MTSS1: variants seen among roughly 807,000 people sequenced by gnomAD.
MTSS1 encodes MTSS I-BAR domain containing 1, also known as protein MTSS 1.
Under a neutral mutation model 79.0 loss-of-function variants are expected in MTSS1, and 18 were observed. The observed-to-expected ratio is 0.23, with a 90% CI of 0.16 to 0.34. MTSS1 has a LOEUF of 0.34. MTSS1 is among the 10% of genes least tolerant of loss of function. The probability of loss-of-function intolerance (pLI) is 1.00; values close to 1 mark genes in which losing one functional copy is unlikely to be tolerated. For missense variants in MTSS1, 815 were observed against 986.2 expected, an observed-to-expected ratio of 0.83 and a Z score of 2.33; for synonymous variants, 341 against 368.6, an observed-to-expected ratio of 0.93 and a Z score of 0.86.
At chr8:124,566,273 T>C (rs954451110) in intron 8 of MTSS1, 4 of 154,026 alleles carry the variant, frequency 2.6e-5, no homozygotes, top group African/African-American at 7.2e-5. Flanking sequence ...TCTGTCTCCG[T>C]TGCTTGACAA....
At chr8:124,622,253 GA>G (rs1813706990) in intron 3 of MTSS1, among the ~76,000 whole-genome samples, 3 of 151,552 alleles carry the variant, frequency 2.0e-5, no homozygotes, top group African/African-American at 7.3e-5. Context: ...CTTATAGGTG[GA>G]ATATATTTTT....
At chr8:124,707,364 T>G (rs1830518201) in intron 1 of MTSS1, among the ~76,000 whole-genome samples, 1 of 149,178 alleles carries the variant, frequency 6.7e-6, no homozygotes, top group African/African-American at 2.5e-5. Context: ...CCAGACAACA[T>G]GGCGAGACCC....
chr8:124,669,933 C>T (rs1823809218), intron 3 of MTSS1, among the ~76,000 whole-genome samples: 1 of 152,170 alleles, frequency 6.6e-6, no homozygotes, highest in Admixed American at 6.6e-5. Context: ...GCTATTTTAA[C>T]ATTCATTCAT....
intron 1 of MTSS1, among the ~76,000 whole-genome samples, chr8:124,712,109 G>A (rs1234007437): frequency 6.6e-6 from 1 of 151,940 alleles, no homozygotes; most frequent in Non-Finnish European, 1.5e-5. Flanking sequence ...GTTGGCACTT[G>A]TGGTATGATT....
chr8:124,598,312 A>T (rs1307539332), intron 3 of MTSS1, among the ~76,000 whole-genome samples: 2 of 152,142 alleles, frequency 1.3e-5, no homozygotes, highest in Non-Finnish European at 2.9e-5. Flanking sequence ...GCAAGAAAAA[A>T]AGGAATGATC....
At chr8:124,657,555 A>G (rs57660221) in intron 3 of MTSS1, among the ~76,000 whole-genome samples, 14,081 of 151,756 alleles carry the variant, frequency 0.093, 743 homozygotes, top group African/African-American at 0.14. Flanking sequence ...CTCTGCACTG[A>G]GCAGAAATAG....
intron 3 of MTSS1, among the ~76,000 whole-genome samples, chr8:124,695,612 T>C (rs1268447294): frequency 6.6e-6 from 1 of 152,196 alleles, no homozygotes; most frequent in African/African-American, 2.4e-5. Flanking sequence ...TAGTAGCAAA[T>C]ACCTGGAGAT....
chr8:124,553,595 G>A lies in MTSS1; in HGVS notation c.1665C>T (p.Ser555=). ...CTTGGAACATCCGTCGGTAGGACTG[G>A]CTGATGTCGCTGTTTCTTGGAATGG... The part of the protein sequence containing the change: ...SSTIPRNSDI[S]QSYRRMFQAK... The change falls in exon 14 of 14, where the codon AGC becomes AGT. Residue 555 remains serine, a synonymous_variant. Coordinates refer to ENST00000518547, the MANE Select transcript of MTSS1 (RefSeq NM_014751.6). The surrounding 1 kb of genome is among the most constrained non-coding windows in gnomAD (Gnocchi z 6.0). 1 of 1,614,184 alleles carries A rather than the reference G, an allele frequency of 6.2e-7. No homozygotes were observed. Among genetic ancestry groups the A allele is most frequent in the South Asian group, 1.1e-5 (1 of 91,082 alleles).
intron 2 of MTSS1, among the ~76,000 whole-genome samples, chr8:124,699,885 G>A (rs769916799): frequency 3.9e-5 from 6 of 152,238 alleles, no homozygotes; most frequent in Non-Finnish European, 8.8e-5. Context: ...GGTGGCTCAC[G>A]CCTGTATTCC....
intron 3 of MTSS1, among the ~76,000 whole-genome samples, chr8:124,600,614 C>T (rs1338775356): frequency 1.3e-5 from 2 of 152,152 alleles, no homozygotes; most frequent in African/African-American, 4.8e-5. Flanking sequence ...AGGCAGAGGC[C>T]GGAGTAAGTA....
At chr8:124,611,020 A>C (rs76263273) in intron 3 of MTSS1, among the ~76,000 whole-genome samples, 3,319 of 152,056 alleles carry the variant, frequency 0.022, 168 homozygotes, top group East Asian at 0.14. Flanking sequence ...CTGCATGGGG[A>C]AACCCACAGC....
At chr8:124,669,401 C>T (rs1202224476) in intron 3 of MTSS1, among the ~76,000 whole-genome samples, 1 of 152,180 alleles carries the variant, frequency 6.6e-6, no homozygotes, top group Non-Finnish European at 1.5e-5. Flanking sequence ...CCACACAGCC[C>T]AGCATTTACA....
intron 10 of MTSS1, among the ~76,000 whole-genome samples, chr8:124,559,767 T>G (rs560267672): frequency 1.3e-5 from 2 of 152,182 alleles, no homozygotes; most frequent in African/African-American, 4.8e-5. Flanking sequence ...GTCACGTAAG[T>G]TGGGTCTCCT....
intron 3 of MTSS1, among the ~76,000 whole-genome samples, chr8:124,671,753 G>T (rs1385589742): frequency 2.0e-5 from 3 of 152,136 alleles, no homozygotes; most frequent in African/African-American, 7.2e-5. Flanking sequence ...TTATATAAGA[G>T]GTGTCTTCAT....
At chr8:124,591,087 G>T in intron 4 of MTSS1, 64 bp downstream of exon 4, 4 of 1,345,192 alleles carry the variant, frequency 3.0e-6, no homozygotes, top group South Asian at 2.4e-5. Context: ...TGCCACACAT[G>T]ACTGCTTCCT....
chr8:124,562,505 G>A (rs554392617), intron 10 of MTSS1, among the ~76,000 whole-genome samples: 37 of 131,194 alleles, frequency 2.8e-4, no homozygotes, highest in Admixed American at 7.0e-4. Context: ...ACGCCTGAGA[G>A]TGGTCAAACC....
At chr8:124,702,883 A>G (rs1307274196) in intron 2 of MTSS1, among the ~76,000 whole-genome samples, 1 of 152,192 alleles carries the variant, frequency 6.6e-6, no homozygotes, top group Non-Finnish European at 1.5e-5. Context: ...CACCACAATG[A>G]TTTAAAAGGG....
intron 1 of MTSS1, among the ~76,000 whole-genome samples, chr8:124,708,256 T>A (rs972851286): frequency 6.6e-6 from 1 of 152,168 alleles, no homozygotes; most frequent in African/African-American, 2.4e-5. Context: ...GAGGAACGAA[T>A]GAGGTCATAT....
In MTSS1 at chr8:124,553,803, C is replaced by T; in HGVS notation, c.1568-111G>A. The T allele has an allele frequency of 1.1e-6, 1 of 902,064 alleles. No homozygotes were observed. The highest frequency in any genetic ancestry group is 1.8e-5 in the South Asian group (1 of 56,060). The allele number at this position is 902,064 out of a possible 1,614,324, so 55.9% of individuals were successfully genotyped here. A position where few individuals can be genotyped will look rare whatever the true frequency, so the allele number is the denominator to read the frequency against. The stretch of plus-strand genomic sequence containing the variant: ...AGGCAGGGTACACACACAGTCTCAT[C>T]CCAAGCTTCCCCCAGGCTTCTCTAC... On this transcript the variant is annotated intron_variant, in intron 13 of 13. Coordinates refer to ENST00000518547, the MANE Select transcript of MTSS1 (RefSeq NM_014751.6). This position sits in a 1 kb window ranked among gnomAD's most constrained non-coding sequence, Gnocchi z 6.0.
Sources: allele counts gnomAD v4.1 joint callset (sites outside exome capture counted in the v4.1 genomes callset), GRCh38; gene constraint gnomAD v4.1.1; non-coding constraint Gnocchi (gnomAD v3.1); transcripts MANE v1.5; gene names NCBI Gene and HGNC (gene_info 2026-07-23, HGNC 2026-07-21).